CSMD1: variants seen among roughly 807,000 people sequenced by gnomAD.
CSMD1 encodes CUB and sushi domain-containing protein 1.
In CSMD1, 213 loss-of-function variants were observed where a neutral mutation model predicts 417.5. The observed-to-expected ratio is 0.51, with a 90% CI of 0.46 to 0.57. CSMD1 has a LOEUF of 0.57. CSMD1 is among the 20% of genes least tolerant of loss of function. CSMD1 has a pLI of 0.00. For missense variants in CSMD1, 6,923 were observed against 4,529.7 expected (o/e 1.53, Z -15.17); for synonymous variants, 2,862 against 1,736.8 (o/e 1.65, Z -16.11).
chr8:3,452,622 T>C (rs1815815218), intron 12 of CSMD1, among the ~76,000 whole-genome samples: 1 of 152,248 alleles, frequency 6.6e-6, no homozygotes, highest in African/African-American at 2.4e-5. Flanking sequence ...ATTATGTTAA[T>C]TGATTTGGGT....
chr8:4,470,172 A>G (rs1456727436), intron 2 of CSMD1, among the ~76,000 whole-genome samples: 1 of 151,892 alleles, frequency 6.6e-6, no homozygotes, highest in East Asian at 1.9e-4. Flanking sequence ...TCATAACCTC[A>G]TCTATTCCTC....
At chr8:3,851,595 T>G (rs2930359) in intron 5 of CSMD1, among the ~76,000 whole-genome samples, 7,583 of 152,272 alleles carry the variant, frequency 0.05, 514 homozygotes, top group African/African-American at 0.15. Flanking sequence ...AGGGCAGGGT[T>G]GTCTCTACTT....
chr8:4,048,860 T>C (rs1376357756), intron 3 of CSMD1, among the ~76,000 whole-genome samples: 6 of 152,218 alleles, frequency 3.9e-5, no homozygotes, highest in Admixed American at 1.3e-4. Flanking sequence ...TCAATACAGA[T>C]AGATCAAGCT....
At chr8:3,265,148 T>C (rs562433756) in intron 26 of CSMD1, among the ~76,000 whole-genome samples, 3 of 152,258 alleles carry the variant, frequency 2.0e-5, no homozygotes, top group South Asian at 4.2e-4. Flanking sequence ...ATATTAAAAA[T>C]ATTTAAGGAA....
At chr8:4,588,441 A>C (rs1430603848) in intron 2 of CSMD1, among the ~76,000 whole-genome samples, 1 of 151,602 alleles carries the variant, frequency 6.6e-6, no homozygotes, top group Non-Finnish European at 1.5e-5. Context: ...TAGTACAGCC[A>C]GTCTGTCCTC....
chr8:4,367,856 G>C (rs1289117209), intron 3 of CSMD1, among the ~76,000 whole-genome samples: 1 of 152,054 alleles, frequency 6.6e-6, no homozygotes, highest in Non-Finnish European at 1.5e-5. Flanking sequence ...TCGGCTTTGA[G>C]CTTCGATAGG....
chr8:3,499,290 G>A (rs1022899675), intron 10 of CSMD1, among the ~76,000 whole-genome samples: 1 of 152,160 alleles, frequency 6.6e-6, no homozygotes, highest in Non-Finnish European at 1.5e-5. Flanking sequence ...TGTCTGAGTA[G>A]CCTTGGCTGC....
chr8:4,518,055 G>T (rs1020170005), intron 2 of CSMD1, among the ~76,000 whole-genome samples: 1 of 152,102 alleles, frequency 6.6e-6, no homozygotes, highest in Non-Finnish European at 1.5e-5. Flanking sequence ...CTCACGGAAA[G>T]GTTTATTAAG....
intron 3 of CSMD1, among the ~76,000 whole-genome samples, chr8:4,226,420 T>A (rs1337687740): frequency 6.6e-6 from 1 of 152,294 alleles, no homozygotes; most frequent in Middle Eastern, 3.4e-3. Context: ...AAACATAACA[T>A]GCAGAATTAA....
intron 5 of CSMD1, among the ~76,000 whole-genome samples, chr8:3,771,236 G>A (rs891787267): frequency 6.6e-6 from 1 of 152,120 alleles, no homozygotes; most frequent in East Asian, 1.9e-4. Context: ...TTGAAATCGT[G>A]TTTGGCTCCG....
At chr8:4,736,735 T>A (rs1191969197) in intron 1 of CSMD1, among the ~76,000 whole-genome samples, 3 of 152,206 alleles carry the variant, frequency 2.0e-5, no homozygotes, top group African/African-American at 7.2e-5. Context: ...GAAAATGGTA[T>A]ACTGCAAACT....
intron 6 of CSMD1, 72 bp from the exon 7 acceptor site, chr8:3,708,563 C>G (rs1801311513): frequency 7.9e-7 from 1 of 1,272,002 alleles, no homozygotes; most frequent in Admixed American, 1.7e-5. Flanking sequence ...ATCCACACAG[C>G]ACTTCCAGTC....
chr8:4,788,310 G>A (rs536101611), intron 1 of CSMD1: 2 of 1,578,876 alleles, frequency 1.3e-6, no homozygotes, highest in Non-Finnish European at 1.7e-6. Flanking sequence ...CAGAAGTAAT[G>A]GTTTGGGACC....
rs562531836 is a variant in CSMD1, at chr8:3,678,805, C to G, written c.1009+29609G>C. 1.7e-3 allele frequency among the ~76,000 whole-genome samples: 257 copies of G among 152,258 alleles called. 3 individuals carry two copies. The highest frequency in any genetic ancestry group is 5.9e-3 in the African/African-American group (246 of 41,556). On this transcript the variant is annotated intron_variant, in intron 7 of 69. Coordinates refer to ENST00000635120, the MANE Select transcript of CSMD1 (RefSeq NM_033225.6). ...CCAGAGAGAAAGGTCGGGTTACCCA[C>G]AAAGGGAAGCCCATCAGACTAACAG...
intron 3 of CSMD1, among the ~76,000 whole-genome samples, chr8:4,256,492 T>C (rs1585108356): frequency 6.6e-6 from 1 of 152,350 alleles, no homozygotes; most frequent in Non-Finnish European, 1.5e-5. Context: ...AGGGAGGTTC[T>C]CAGTGAGTGT....
At chr8:4,213,809 G>C (rs747276247) in intron 3 of CSMD1, among the ~76,000 whole-genome samples, 1 of 152,168 alleles carries the variant, frequency 6.6e-6, no homozygotes, top group African/African-American at 2.4e-5. Context: ...AACTTGCATT[G>C]AGAAAGATAA....
chr8:4,486,204 CATAT>C (rs1200901429), intron 2 of CSMD1, among the ~76,000 whole-genome samples: 719 of 16,418 alleles, frequency 0.044, 21 homozygotes, highest in South Asian at 0.12. Context: ...TATATACATA[CATAT>C]ATATATATAT....
chr8:4,842,654 G>A (rs1290268514), intron 1 of CSMD1, among the ~76,000 whole-genome samples: 1 of 152,208 alleles, frequency 6.6e-6, no homozygotes, highest in East Asian at 1.9e-4. Context: ...TTCTCTGTTG[G>A]ACAGTAGCCT....
intron 5 of CSMD1, among the ~76,000 whole-genome samples, chr8:3,820,575 G>T (rs1050674606): frequency 2.0e-5 from 3 of 152,002 alleles, no homozygotes; most frequent in African/African-American, 7.2e-5. Context: ...TTTTGTTTTT[G>T]TTGTTGTTTG....
Sources: gnomAD v4.1 joint callset for allele counts (sites outside exome capture counted in the v4.1 genomes callset) on GRCh38, gnomAD v4.1.1 for gene constraint, MANE v1.5 for transcripts, NCBI Gene and HGNC (gene_info 2026-07-23, HGNC 2026-07-21) for gene names.